The following LYRM4 variants were observed in gnomAD, a reference collection of about 807,000 sequenced individuals.
The protein encoded by LYRM4 is LYR motif containing 4.
Under a neutral mutation model 11.7 loss-of-function variants are expected in LYRM4, and 9 were observed. That is an observed-to-expected ratio of 0.77 (90% CI 0.46 to 1.34). The LOEUF is 1.34. Among genes scored for constraint, LYRM4 ranks in the 40% most tolerant of loss-of-function variants. The pLI is 0.00. For synonymous variants in LYRM4, 42 were observed against 40.4 expected, an observed-to-expected ratio of 1.04 and a Z score of -0.15; for missense variants, 133 against 112.5, an observed-to-expected ratio of 1.18 and a Z score of -0.82.
downstream of LYRM4, among the ~76,000 whole-genome samples, chr6:5,099,363 C>T (rs1386210767): frequency 2.0e-5 from 3 of 148,990 alleles, no homozygotes; most frequent in South Asian, 6.8e-4. The surrounding 1 kb of genome is among the most constrained non-coding windows in gnomAD (Gnocchi z 4.3). Context: ...TGCCACCACA[C>T]TCGGCTAATT....
At chr6:5,142,824 C>T (rs995710576) in intron 2 of LYRM4, among the ~76,000 whole-genome samples, 9 of 152,342 alleles carry the variant, frequency 5.9e-5, no homozygotes, top group South Asian at 4.1e-4. Flanking sequence ...GCTTTCCCTA[C>T]GCTGCCTCGT....
In LYRM4 at chr6:5,241,939, A is replaced by G. The variant is rs1763905239; in HGVS notation, c.86+18709T>C. ...CTTCATCTTCTTTAGCAAGGCCCTAAGATCCTCCAACCTAAATAAGAAACT... is the reference window on the plus strand; with the variant it reads ...CTTCATCTTCTTTAGCAAGGCCCTAGGATCCTCCAACCTAAATAAGAAACT... On this transcript the variant is annotated intron_variant, in intron 1 of 2. Transcript: ENST00000330636. Among the ~76,000 whole-genome samples the G allele has an allele frequency of 1.3e-5, 2 of 152,148 alleles. 1 individual carries two copies. Among genetic ancestry groups the G allele is most frequent in the South Asian group, 4.1e-4 (2 of 4,826 alleles).
rs1448013809 is a variant in LYRM4, at chr6:5,210,569, G to A, written c.207+6049C>T. Among the ~76,000 whole-genome samples, 6 of 152,016 alleles carry A rather than the reference G, an allele frequency of 3.9e-5. No homozygotes were observed. The East Asian group carries it at 7.7e-4, about 20-fold the overall frequency. Reference sequence around the variant, plus strand: ...TGTATCATCTTAACTATTTTTAAGCGTTTAGTGCAGCAGTGTTAAGTATAT... The same window carrying A: ...TGTATCATCTTAACTATTTTTAAGCATTTAGTGCAGCAGTGTTAAGTATAT... On this transcript the variant is annotated intron_variant, in intron 2 of 2. Coordinates refer to ENST00000330636, the MANE Select transcript of LYRM4 (RefSeq NM_020408.6).
the LYRM4 span, among the ~76,000 whole-genome samples, chr6:5,070,941 C>CAGCACTTTAA: frequency 6.9e-6 from 1 of 144,486 alleles, no homozygotes; most frequent in East Asian, 2.1e-4. Flanking sequence ...CCTGTAATAA[C>CAGCACTTTAA]AGCACTTTAA....
At chr6:5,118,953 T>C (rs1763274471) in intron 2 of LYRM4, among the ~76,000 whole-genome samples, 2 of 152,232 alleles carry the variant, frequency 1.3e-5, no homozygotes, top group African/African-American at 4.8e-5. Context: ...CACCATTTTA[T>C]GCAACAGAGG....
rs1303399726 is a variant in LYRM4, at chr6:5,245,103, A to T, written c.86+15545T>A. Among the ~76,000 whole-genome samples, 505 of 58,396 alleles carry T rather than the reference A, an allele frequency of 8.6e-3. 41 individuals are homozygous for T. Among genetic ancestry groups the T allele is most frequent in the African/African-American group, 0.029 (483 of 16,768 alleles). The allele number at this position is 58,396 out of a possible 152,430, so 38.3% of individuals were successfully genotyped here. A position where few individuals can be genotyped will look rare whatever the true frequency, so the allele number is the denominator to read the frequency against. On this transcript the variant is annotated intron_variant, in intron 1 of 2. Coordinates refer to ENST00000330636, the MANE Select transcript of LYRM4 (RefSeq NM_020408.6). ...CAGGAAGACCTTAAAAAAAAAAAAA[A>T]AAAAAAAAAAATATATATATATATA...
At chr6:5,203,024 G>A (rs972552735) in intron 2 of LYRM4, among the ~76,000 whole-genome samples, 5 of 152,178 alleles carry the variant, frequency 3.3e-5, no homozygotes, top group Admixed American at 6.6e-5. Context: ...AGTCACATAA[G>A]CAACTCTGAG....
chr6:5,134,241 G>A (rs1482773719), intron 2 of LYRM4, among the ~76,000 whole-genome samples: 1 of 152,218 alleles, frequency 6.6e-6, no homozygotes, highest in Admixed American at 6.5e-5. Flanking sequence ...TAAGAACCTA[G>A]TTGGTTAAGA....
At chr6:5,095,965 G>A in the LYRM4 span, among the ~76,000 whole-genome samples, 7 of 152,126 alleles carry the variant, frequency 4.6e-5, no homozygotes, top group African/African-American at 1.7e-4. Context: ...GGGTGACAGA[G>A]TGAGTCTCCA....
At chr6:5,116,873 A>G (rs1226839791) in intron 2 of LYRM4, among the ~76,000 whole-genome samples, 1 of 152,196 alleles carries the variant, frequency 6.6e-6, no homozygotes, top group Non-Finnish European at 1.5e-5. Flanking sequence ...ACAATTGGGC[A>G]CAATGTTTCA....
At chr6:5,083,994 G>A in the LYRM4 span, among the ~76,000 whole-genome samples, 1 of 152,230 alleles carries the variant, frequency 6.6e-6, no homozygotes, top group Non-Finnish European at 1.5e-5. Flanking sequence ...AGGGAGCTGG[G>A]AGCAGTGGGG....
the LYRM4 span, chr6:5,066,513 C>G: frequency 1.3e-6 from 1 of 795,794 alleles, no homozygotes; most frequent in Non-Finnish European, 2.3e-6. Flanking sequence ...TCCACCACTT[C>G]TAGGATCTAT....
the LYRM4 span, among the ~76,000 whole-genome samples, chr6:5,084,370 C>T: frequency 1.3e-5 from 2 of 152,170 alleles, no homozygotes; most frequent in Non-Finnish European, 2.9e-5. Context: ...CAGCGCAGTC[C>T]GGCGCGGGCC....
chr6:5,220,807 C>T (rs1318860033), intron 1 of LYRM4, among the ~76,000 whole-genome samples: 1 of 152,142 alleles, frequency 6.6e-6, no homozygotes. Context: ...CTAAAGAGCA[C>T]TCATTGCAAT....
At chr6:5,221,544 T>C (rs1222252654) in intron 1 of LYRM4, among the ~76,000 whole-genome samples, 1 of 151,488 alleles carries the variant, frequency 6.6e-6, no homozygotes, top group Admixed American at 6.6e-5. Flanking sequence ...AATACAAAAA[T>C]TAGCTGGGTG....
intron 2 of LYRM4, among the ~76,000 whole-genome samples, chr6:5,192,390 C>T (rs563878473): frequency 2.0e-5 from 3 of 152,174 alleles, no homozygotes; most frequent in East Asian, 1.9e-4. Flanking sequence ...TGTGTTAATA[C>T]GCTTCCTGAA....
chr6:5,169,350 G>A (rs6926791), intron 2 of LYRM4, among the ~76,000 whole-genome samples: 8,278 of 152,224 alleles, frequency 0.054, 319 homozygotes, highest in Non-Finnish European at 0.081. Context: ...GGAAGGAACT[G>A]GCACAAACAA....
At chr6:5,069,234 T>C in the LYRM4 span, among the ~76,000 whole-genome samples, 1 of 152,108 alleles carries the variant, frequency 6.6e-6, no homozygotes, top group Non-Finnish European at 1.5e-5. Context: ...TCTTCAAAGT[T>C]ATTAAGGACC....
chr6:5,130,529 C>T (rs1028147781), intron 2 of LYRM4, among the ~76,000 whole-genome samples: 3 of 152,204 alleles, frequency 2.0e-5, no homozygotes, highest in Non-Finnish European at 4.4e-5. Context: ...AACAAGCAGA[C>T]CTGGGCCCCA....
Sources: allele counts gnomAD v4.1 joint callset (sites outside exome capture counted in the v4.1 genomes callset), GRCh38; gene constraint gnomAD v4.1.1; non-coding constraint Gnocchi (gnomAD v3.1); transcripts MANE v1.5; gene names NCBI Gene and HGNC (gene_info 2026-07-23, HGNC 2026-07-21).